Variants in EPM2A observed in about 807,000 individuals in gnomAD.
EPM2A encodes laforin.
In EPM2A, 21 loss-of-function variants were observed where a neutral mutation model predicts 26.5. That is an observed-to-expected ratio of 0.79 (90% CI 0.56 to 1.14). EPM2A has a LOEUF of 1.14. Among genes scored for constraint, EPM2A ranks in the 50% most tolerant of loss-of-function variants. The pLI is 0.00. For synonymous variants in EPM2A, 217 were observed against 177.6 expected, an observed-to-expected ratio of 1.22 and a Z score of -1.76; for missense variants, 458 against 440.8, an observed-to-expected ratio of 1.04 and a Z score of -0.35.
chr6:145,518,707 A>T (rs1780164782), intron 2 of EPM2A, among the ~76,000 whole-genome samples: 1 of 152,056 alleles, frequency 6.6e-6, no homozygotes. Context: ...AGAAAAGATT[A>T]AGAATGTCAC....
chr6:145,508,460 GCAAC>G (rs1780009217), intron 2 of EPM2A, among the ~76,000 whole-genome samples: 1 of 152,130 alleles, frequency 6.6e-6, no homozygotes, highest in Admixed American at 6.5e-5. Context: ...CTGCATATCT[GCAAC>G]CAAGGAGCCC....
In EPM2A at chr6:145,667,301, C is replaced by T. The variant is rs1326368932; in HGVS notation, c.476+18821G>A. On this transcript the variant is annotated intron_variant, in intron 2 of 3. Transcript: ENST00000367519. ...GCTAATATCCAGAATCTACAATGAACTCAAACAAATTTACAAGAAAAAAAC... is the reference window on the plus strand; with the variant it reads ...GCTAATATCCAGAATCTACAATGAATTCAAACAAATTTACAAGAAAAAAAC... 8.6e-4 allele frequency among the ~76,000 whole-genome samples: 121 copies of T among 140,436 alleles called. No homozygotes were observed. The East Asian group carries it at 0.015, about 18-fold the overall frequency. 92.1% of individuals were successfully genotyped at this position (140,436 alleles called of 152,430 possible).
intron 4 of EPM2A, chr6:145,490,359 T>G: frequency 1.6e-6 from 2 of 1,256,060 alleles, no homozygotes; most frequent in South Asian, 2.5e-5. Context: ...TTTCTTCCTT[T>G]TTTGCCTCTA....
intron 1 of EPM2A, among the ~76,000 whole-genome samples, chr6:145,726,393 G>T (rs1776208368): frequency 6.6e-6 from 1 of 152,070 alleles, no homozygotes; most frequent in South Asian, 2.1e-4. Context: ...AATTAATGTA[G>T]ATATTCTGCC....
chr6:145,682,437 G>C (rs944891624), intron 2 of EPM2A: 4 of 152,132 alleles, frequency 2.6e-5, no homozygotes, highest in Non-Finnish European at 5.9e-5. Context: ...AATGTCCTGA[G>C]AAAAAGATGG....
At chr6:145,461,639 G>T (rs1028697952) in intron 4 of EPM2A, among the ~76,000 whole-genome samples, 4 of 152,298 alleles carry the variant, frequency 2.6e-5, no homozygotes, top group Non-Finnish European at 4.4e-5. Context: ...GCATCTGAAA[G>T]TGACTTTCTG....
chr6:145,521,815 G>A (rs577163019), intron 2 of EPM2A, among the ~76,000 whole-genome samples: 1 of 152,308 alleles, frequency 6.6e-6, no homozygotes, highest in East Asian at 1.9e-4. Context: ...GGGATTGGAT[G>A]TATTGATAAT....
chr6:145,562,289 T>C lies in EPM2A; in HGVS notation c.341-59714A>G, dbSNP rs190310358. ...AGTATGCAATGCATTGTTGTTTCCTTTTTTTGTTTTAAAATGTCCTTCTGG... is the reference window on the plus strand; with the variant it reads ...AGTATGCAATGCATTGTTGTTTCCTCTTTTTGTTTTAAAATGTCCTTCTGG... On this transcript the variant is annotated intron_variant, in intron 2 of 3. Coordinates refer to the EPM2A transcript ENST00000450221. Among the ~76,000 whole-genome samples, 394 of 152,230 alleles carry C rather than the reference T, an allele frequency of 2.6e-3. 6 individuals are homozygous for C. Among genetic ancestry groups the C allele is most frequent in the African/African-American group, 9.0e-3 (376 of 41,558 alleles).
intron 2 of EPM2A, among the ~76,000 whole-genome samples, chr6:145,573,114 G>A (rs1185067438): frequency 6.6e-6 from 1 of 152,226 alleles, no homozygotes; most frequent in Non-Finnish European, 1.5e-5. Context: ...AGTAAGTCCA[G>A]TGTGTTTGCT....
chr6:145,429,125 G>T (rs1778889012), intron 4 of EPM2A, among the ~76,000 whole-genome samples: 1 of 151,832 alleles, frequency 6.6e-6, no homozygotes, highest in Non-Finnish European at 1.5e-5. Context: ...CTATTTTGAT[G>T]ATCAAATTTA....
intron 2 of EPM2A, among the ~76,000 whole-genome samples, chr6:145,569,606 T>C (rs1780929037): frequency 2.0e-5 from 3 of 152,256 alleles, no homozygotes; most frequent in Non-Finnish European, 1.5e-5. Context: ...AAAGCCCCCT[T>C]TGATTTATAT....
chr6:145,511,592 G>A (rs1373545131), intron 2 of EPM2A, among the ~76,000 whole-genome samples: 1 of 152,072 alleles, frequency 6.6e-6, no homozygotes, highest in Non-Finnish European at 1.5e-5. Context: ...AGGCATAGAC[G>A]GAATGTATCT....
At chr6:145,503,102 C>T (rs916572331) in intron 2 of EPM2A, among the ~76,000 whole-genome samples, 27 of 152,062 alleles carry the variant, frequency 1.8e-4, no homozygotes, top group African/African-American at 6.5e-4. Context: ...TCTGTCCTTT[C>T]TATTAAAATT....
downstream of EPM2A, among the ~76,000 whole-genome samples, chr6:145,497,133 G>A (rs561169177): frequency 5.3e-5 from 8 of 152,194 alleles, no homozygotes; most frequent in African/African-American, 1.4e-4. Context: ...GAAGGAAAGA[G>A]CACTCTGGCT....
At chr6:145,391,171 C>A (rs1043474106) in intron 4 of EPM2A, among the ~76,000 whole-genome samples, 4 of 152,116 alleles carry the variant, frequency 2.6e-5, no homozygotes, top group African/African-American at 9.7e-5. Flanking sequence ...ACCTGTTATA[C>A]CACTTTCTTG....
At chr6:145,566,487 G>T (rs908370179) in intron 2 of EPM2A, among the ~76,000 whole-genome samples, 2 of 152,106 alleles carry the variant, frequency 1.3e-5, no homozygotes, top group African/African-American at 4.8e-5. Flanking sequence ...CCTGTATAAT[G>T]CCCCTAACAC....
rs1266559813 is a variant in EPM2A at position 145,419,179 on chromosome 6, G to GCC, written c.556-35083_556-35082insGG. Among the ~76,000 whole-genome samples the GCC allele has an allele frequency of 3.2e-3, 434 of 136,128 alleles. 13 individuals are homozygous for GCC. Among genetic ancestry groups the GCC allele is most frequent in the Non-Finnish European group, 4.6e-3 (291 of 62,616 alleles). 89.3% of individuals were successfully genotyped at this position (136,128 alleles called of 152,430 possible). A position where few individuals can be genotyped will look rare whatever the true frequency, so the allele number is the denominator to read the frequency against. ...ATTGCCCAAGCAAATTCTGTTAAAT[G>GCC]TCCCCCCCCCCCGCTCCTTTCCCCA... On this transcript the variant is annotated intron_variant, in intron 4 of 4. Coordinates refer to the EPM2A transcript ENST00000638717.
At chr6:145,435,228 G>A (rs958935422) in intron 4 of EPM2A, among the ~76,000 whole-genome samples, 3 of 151,980 alleles carry the variant, frequency 2.0e-5, no homozygotes, top group East Asian at 1.9e-4. Context: ...GAAGTATAAG[G>A]TATAAATGAG....
intron 4 of EPM2A, among the ~76,000 whole-genome samples, chr6:145,493,116 G>A (rs879557656): frequency 6.6e-6 from 1 of 152,110 alleles, no homozygotes; most frequent in Non-Finnish European, 1.5e-5. Context: ...AAGAGCCAGG[G>A]TTCTCCCTCT....
Sources: allele counts gnomAD v4.1 joint callset (sites outside exome capture counted in the v4.1 genomes callset), GRCh38; gene constraint gnomAD v4.1.1; transcripts MANE v1.5; gene names NCBI Gene and HGNC (gene_info 2026-07-23, HGNC 2026-07-21).